The following MUC5B variants were observed in gnomAD, a reference collection of about 807,000 sequenced individuals.
MUC5B encodes mucin-5B.
Under a neutral mutation model 376.9 loss-of-function variants are expected in MUC5B, and 116 were observed. That is an observed-to-expected ratio of 0.31 (90% CI 0.26 to 0.36). MUC5B has a LOEUF of 0.36. Ranked by LOEUF, MUC5B falls within the 10% of genes least tolerant of loss-of-function variation. The probability of loss-of-function intolerance (pLI) is 1.00; values close to 1 mark genes in which losing one functional copy is unlikely to be tolerated. For synonymous variants in MUC5B, 3,517 were observed against 3,390.9 expected (o/e 1.04, Z -1.29); for missense variants, 7,165 against 7,769.9 (o/e 0.92, Z 2.93).
chr11:1,225,627 G>C, intron 1 of MUC5B, 54 bp from the exon 2 acceptor site: 1 of 1,523,206 alleles, frequency 6.6e-7, no homozygotes, highest in Non-Finnish European at 8.9e-7. Flanking sequence ...GGTTGGGTTC[G>C]TGGCTGGCAG....
rs1862518076 is a variant in MUC5B, at chr11:1,247,384, A to G, written c.10504A>G (p.Thr3502Ala). The change falls in exon 31 of 49, where the codon ACC (threonine) becomes GCC (alanine). Residue 3502 changes from threonine (T) to alanine (A), a missense_variant. Around this residue, in one of 31 missense-constraint regions of MUC5B, gnomAD observed 939 missense variants for 770.6 expected, o/e 1.22. Coordinates refer to ENST00000529681, the MANE Select transcript of MUC5B (RefSeq NM_002458.3). ...SHTPAATTST[T>A]QHSTPALSSP... Reference sequence around the variant, plus strand: ...CACCCCAGCAGCAACCACCAGTACCACCCAGCACTCGACTCCAGCCCTGTC... The same window carrying G: ...CACCCCAGCAGCAACCACCAGTACCGCCCAGCACTCGACTCCAGCCCTGTC... The G allele has an allele frequency of 5.0e-6, 8 of 1,609,112 alleles. No homozygotes were observed. The highest frequency in any genetic ancestry group is 6.8e-6 in the Non-Finnish European group (8 of 1,178,744).
intron 13 of MUC5B, among the ~76,000 whole-genome samples, 197 bp downstream of exon 13, chr11:1,231,202 T>C (rs1339804401): frequency 6.6e-6 from 1 of 152,008 alleles, no homozygotes; most frequent in Non-Finnish European, 1.5e-5. Flanking sequence ...GGACCCCACA[T>C]CCAGCTCGCT....
chr11:1,238,670 G>A (rs375300313), intron 25 of MUC5B, among the ~76,000 whole-genome samples: 3 of 152,172 alleles, frequency 2.0e-5, no homozygotes, highest in East Asian at 1.9e-4. Context: ...ATAGGTGGAC[G>A]AGGGCACAGG....
At position 1,243,251 on chromosome 11, in the gene MUC5B, C is replaced by G. The variant is rs370754184; in HGVS notation, c.6371C>G (p.Thr2124Arg). 967 of 1,557,156 alleles carry G rather than the reference C, an allele frequency of 6.2e-4. 1 individual carries two copies. Among genetic ancestry groups the G allele is most frequent in the Admixed American group, 1.7e-3 (87 of 51,234 alleles). Residue 2124 changes from threonine to arginine, a missense_variant, in exon 31 of 49, where the codon ACA becomes AGA. Physicochemically the swap from Thr to Arg is moderately conservative, Grantham distance 71. Coordinates refer to ENST00000529681, the MANE Select transcript of MUC5B (RefSeq NM_002458.3). ...TCTATGGCAACACCCTCCTCTAGCA[C>G]ACAGACCAGTGGTACTCCCCCATCA... ...TGSMATPSSS[T>R]QTSGTPPSLT...
At chr11:1,252,709 C>T (rs1862737645) in intron 32 of MUC5B, 100 bp from the exon 33 acceptor site, 4 of 1,468,540 alleles carry the variant, frequency 2.7e-6, no homozygotes, top group South Asian at 2.7e-5. Flanking sequence ...CAGGCAGGCT[C>T]TTGTGGCCAC....
chr11:1,246,724 A>T lies in MUC5B; in HGVS notation c.9844A>T (p.Thr3282Ser). The T allele has an allele frequency of 5.0e-6, 8 of 1,605,564 alleles. No individual in the cohort carries two copies. The highest frequency in any genetic ancestry group is 6.8e-6 in the Non-Finnish European group (8 of 1,175,252). The change falls in exon 31 of 49, where the codon ACC becomes TCC. Residue 3282 changes from threonine to serine, a missense_variant. Thr to Ser is a moderately conservative substitution (Grantham distance 58). Coordinates refer to ENST00000529681, the MANE Select transcript of MUC5B (RefSeq NM_002458.3). Reference sequence around the variant, plus strand: ...TGTCCACACCTCCACAGTGCTTACCACCACGACCACCACAACCAGGGCCAC... The same window carrying T: ...TGTCCACACCTCCACAGTGCTTACCTCCACGACCACCACAACCAGGGCCAC... ...ETVHTSTVLT[T>S]TTTTTRATGS...
Position 1,243,724 on chromosome 11 carries a change from A to G in MUC5B, c.6844A>G (p.Thr2282Ala), listed in dbSNP as rs764470976. The G allele has an allele frequency of 6.2e-7, 1 of 1,601,404 alleles. No homozygotes were observed. Among genetic ancestry groups the G allele is most frequent in the Non-Finnish European group, 8.5e-7 (1 of 1,172,282 alleles). Residue 2282 changes from threonine to alanine, a missense_variant, in exon 31 of 49, where the codon ACC becomes GCC. By Grantham distance (58) the Thr-to-Ala change is moderately conservative. Transcript: ENST00000529681. ...TPGHTTATSR[T>A]TATATPSKTR... ...GGGCCACACCACGGCCACCTCCAGG[A>G]CCACAGCCACGGCCACACCCAGCAA...
rs1162205962 is a variant in MUC5B, at chr11:1,247,314, C to G, written c.10434C>G (p.Ile3478Met). 1 of 1,611,414 alleles carries G rather than the reference C, an allele frequency of 6.2e-7. No individual in the cohort carries two copies. The highest frequency in any genetic ancestry group is 8.5e-7 in the Non-Finnish European group (1 of 1,179,538). ...RTAWTSATSG[I>M]LGTTHITEPS... Reference sequence around the variant, plus strand: ...CCTGGACTTCGGCCACCTCGGGCATCTTGGGCACCACCCACATCACAGAGC... The same window carrying G: ...CCTGGACTTCGGCCACCTCGGGCATGTTGGGCACCACCCACATCACAGAGC... Residue 3478 changes from isoleucine to methionine, a missense_variant, in exon 31 of 49, where the codon ATC becomes ATG. Coordinates refer to ENST00000529681, the MANE Select transcript of MUC5B (RefSeq NM_002458.3).
chr11:1,227,946 C>T (rs573537880), intron 7 of MUC5B, among the ~76,000 whole-genome samples, 165 bp downstream of exon 7: 562 of 152,292 alleles, frequency 3.7e-3, no homozygotes, highest in Non-Finnish European at 6.6e-3. Flanking sequence ...ACACACTGTC[C>T]GAGTGTGGTG....
At chr11:1,235,506 G>T in intron 23 of MUC5B, 93 bp downstream of exon 23, 1 of 1,068,766 alleles carries the variant, frequency 9.4e-7, no homozygotes, top group Non-Finnish European at 1.4e-6. Context: ...GCACCCACAG[G>T]TTCTCAGCAG....
chr11:1,243,064 A>G lies in MUC5B; in HGVS notation c.6184A>G (p.Thr2062Ala). Reference sequence around the variant, plus strand: ...TACCACAACCACGGGCTTCACAGCCACCCCCTCCTCCAGCCCAGGGACGGC... The same window carrying G: ...TACCACAACCACGGGCTTCACAGCCGCCCCCTCCTCCAGCCCAGGGACGGC... ...PTTTTTGFTA[T>A]PSSSPGTALT... The change falls in exon 31 of 49, where the codon ACC becomes GCC. Residue 2062 changes from threonine to alanine, a missense_variant. Physicochemically the swap from Thr to Ala is moderately conservative, Grantham distance 58. Transcript: ENST00000529681. 6.2e-7 allele frequency: 1 copy of G among 1,610,658 alleles called. No individual in the cohort carries two copies.
In MUC5B at chr11:1,245,622, C is replaced by T. The variant is rs374637674; in HGVS notation, c.8742C>T (p.Gly2914=). 351 of 1,593,044 alleles carry T rather than the reference C, an allele frequency of 2.2e-4. 1 individual carries two copies. The highest frequency in any genetic ancestry group is 2.8e-4 in the Non-Finnish European group (332 of 1,170,046). ...GGGCCGTCTGTGAGCAGCCCCTGGGCCTCGAGTGCCGTGCCCAGGCCCAGC... is the reference window on the plus strand; with the variant it reads ...GGGCCGTCTGTGAGCAGCCCCTGGGTCTCGAGTGCCGTGCCCAGGCCCAGC... The part of the protein sequence containing the change: ...AGGAVCEQPL[G]LECRAQAQPG... Residue 2914 remains glycine (G), a synonymous_variant, in exon 31 of 49, where the codon GGC becomes GGT. Coordinates refer to ENST00000529681, the MANE Select transcript of MUC5B (RefSeq NM_002458.3).
rs1299405304 is a variant in MUC5B, at chr11:1,250,465, T to C, written c.13585T>C (p.Ser4529Pro). The change falls in exon 31 of 49, where the codon TCC (serine) becomes CCC (proline). Residue 4529 changes from serine to proline, a missense_variant. Physicochemically the swap from Ser to Pro is moderately conservative, Grantham distance 74. This residue lies in a region of MUC5B where 431 missense variants were observed against 390.4 expected (regional missense o/e 1.10). Transcript: ENST00000529681. ...ATSFTAIPSS[S>P]LGTTWTRLSQ... is the part of the protein sequence containing the mutation. The stretch of plus-strand genomic sequence containing the variant: ...CAGCTTTACAGCCATCCCCTCCTCC[T>C]CCCTGGGCACCACCTGGACCCGCCT... The C allele has an allele frequency of 2.5e-6, 4 of 1,580,040 alleles. No homozygotes were observed. In the African/African-American group the frequency reaches 4.3e-5, roughly 17 times the overall value.
In MUC5B at chr11:1,242,026, A is replaced by G. The variant is rs199984983; in HGVS notation, c.5146A>G (p.Thr1716Ala). Reference protein sequence around the residue: ...LGTWRPSQPPTLAPTTMATSR... With the variant: ...LGTWRPSQPPALAPTTMATSR... ...CACATGGCGCCCCTCACAGCCACCC[A>G]CGCTGGCCCCAACAACAATGGCAAC... The change falls in exon 31 of 49, where the codon ACG (threonine) becomes GCG (alanine). Residue 1716 changes from threonine to alanine, a missense_variant. Physicochemically the swap from Thr to Ala is moderately conservative, Grantham distance 58. This residue lies in a region of MUC5B where 897 missense variants were observed against 779.6 expected (regional missense o/e 1.15). Transcript: ENST00000529681. 1.4e-4 allele frequency: 230 copies of G among 1,587,052 alleles called. 1 individual carries two copies. The African/African-American group carries it at 2.8e-3, about 19-fold the overall frequency.
chr11:1,233,855 GCCACC>G lies in MUC5B; in HGVS notation c.2377+10_2377+14del. ...TCTCTGCAGAAAAGCACAGGTAAGTGCCACCCCTGCCCTGCCCTGCCCTGCCCCGC... is the reference window on the plus strand; with the variant it reads ...TCTCTGCAGAAAAGCACAGGTAAGTGCCTGCCCTGCCCTGCCCTGCCCCGC... On this transcript the variant is annotated splice_region_variant and intron_variant, in intron 19 of 48. Coordinates refer to ENST00000529681, the MANE Select transcript of MUC5B (RefSeq NM_002458.3). 1 of 1,575,696 alleles carries G rather than the reference GCCACC, an allele frequency of 6.3e-7. No individual in the cohort carries two copies. The highest frequency in any genetic ancestry group is 8.6e-7 in the Non-Finnish European group (1 of 1,163,970).
intron 22 of MUC5B, 21 bp from the exon 23 acceptor site, chr11:1,235,282 G>A: frequency 1.2e-6 from 2 of 1,610,834 alleles, no homozygotes; most frequent in South Asian, 1.1e-5. Flanking sequence ...GCGGCCAGCA[G>A]CTTGTCTCTT....
intron 3 of MUC5B, 101 bp from the exon 4 acceptor site, chr11:1,226,514 C>T: frequency 6.8e-7 from 1 of 1,461,934 alleles, no homozygotes; most frequent in South Asian, 1.3e-5. Context: ...AGCAGCCGAC[C>T]ATGGGCTTTT....
rs368033072 is a variant in MUC5B, at chr11:1,246,122, C to A, written c.9242C>A (p.Pro3081Gln). The stretch of plus-strand genomic sequence containing the variant: ...ACCCTTGGGACCACCGGGACCCTCC[C>A]AGAACAGACCACCACACCCATGGCC... Reference protein sequence around the residue: ...SFTLGTTGTLPEQTTTPMATM... With the variant: ...SFTLGTTGTLQEQTTTPMATM... The change falls in exon 31 of 49, where the codon CCA (proline) becomes CAA (glutamine). Residue 3081 changes from proline (P) to glutamine (Q), a missense_variant. Around this residue, in one of 31 missense-constraint regions of MUC5B, gnomAD observed 939 missense variants for 770.6 expected, o/e 1.22. Transcript: ENST00000529681. 9 of 1,612,998 alleles carry A rather than the reference C, an allele frequency of 5.6e-6. No individual in the cohort carries two copies. The African/African-American group carries it at 6.7e-5, about 12-fold the overall frequency.
rs1368694703 is a variant in MUC5B at position 1,247,325 on chromosome 11, C to T, written c.10445C>T (p.Thr3482Ile). The T allele has an allele frequency of 1.9e-6, 3 of 1,611,402 alleles. No homozygotes were observed. The highest frequency in any genetic ancestry group is 4.5e-5 in the East Asian group (2 of 44,884). Residue 3482 changes from threonine to isoleucine, a missense_variant, in exon 31 of 49, where the codon ACC (threonine) becomes ATC (isoleucine). By Grantham distance (89) the Thr-to-Ile change is moderately conservative. Transcript: ENST00000529681. ...TSATSGILGT[T>I]HITEPSTVTS... The stretch of plus-strand genomic sequence containing the variant: ...GCCACCTCGGGCATCTTGGGCACCA[C>T]CCACATCACAGAGCCTTCCACGGTG...
Sources: allele counts gnomAD v4.1 joint callset (sites outside exome capture counted in the v4.1 genomes callset), GRCh38; gene constraint gnomAD v4.1.1; regional missense constraint gnomAD v4.1.1; transcripts MANE v1.5; gene names NCBI Gene and HGNC (gene_info 2026-07-23, HGNC 2026-07-21).